The following NT5DC1 variants were observed in gnomAD, a reference collection of about 807,000 sequenced individuals.
NT5DC1 encodes 5'-nucleotidase domain containing 1, also known as 5'-nucleotidase domain-containing protein 1.
In NT5DC1, 42 loss-of-function variants were observed where a neutral mutation model predicts 59.4. That is an observed-to-expected ratio of 0.71 (90% CI 0.55 to 0.92). The LOEUF (loss-of-function observed/expected upper bound fraction) is 0.92, where lower values mean the gene tolerates loss of function less well. Among genes scored for constraint, NT5DC1 ranks in the 40% least tolerant of loss-of-function variants. The pLI is 0.00. For synonymous variants in NT5DC1, 172 were observed against 188.1 expected (o/e 0.91, Z 0.70); for missense variants, 501 against 537.1 (o/e 0.93, Z 0.66).
chr6:116,135,617 A>G (rs1173413048), intron 6 of NT5DC1, among the ~76,000 whole-genome samples: 2 of 151,566 alleles, frequency 1.3e-5, no homozygotes. Context: ...GCTATATTTA[A>G]TATTTACTCT....
intron 6 of NT5DC1, among the ~76,000 whole-genome samples, chr6:116,203,631 A>G (rs1173817125): frequency 6.6e-6 from 1 of 151,932 alleles, no homozygotes; most frequent in Admixed American, 6.6e-5. Context: ...TACCCTTGGT[A>G]GACGTGAGTT....
At chr6:116,156,477 TG>T (rs1253251597) in intron 6 of NT5DC1, among the ~76,000 whole-genome samples, 1 of 152,218 alleles carries the variant, frequency 6.6e-6, no homozygotes, top group Admixed American at 6.5e-5. Flanking sequence ...ATTACTATGC[TG>T]TGTATAGTGC....
intron 6 of NT5DC1, among the ~76,000 whole-genome samples, chr6:116,166,584 C>G (rs1780475139): frequency 6.6e-6 from 1 of 152,118 alleles, no homozygotes; most frequent in African/African-American, 2.4e-5. Context: ...CTCCATTTAC[C>G]CAGTTTCCCA....
chr6:116,216,213 G>T (rs892817858), intron 6 of NT5DC1, among the ~76,000 whole-genome samples: 17 of 152,056 alleles, frequency 1.1e-4, no homozygotes, highest in African/African-American at 4.1e-4. Flanking sequence ...TATATGTTAG[G>T]TAATAAAGAT....
chr6:116,136,704 A>T (rs1233887480), intron 6 of NT5DC1, among the ~76,000 whole-genome samples: 1 of 152,234 alleles, frequency 6.6e-6, no homozygotes, highest in African/African-American at 2.4e-5. Context: ...ATAAAAATCC[A>T]TATGCTGTTA....
intron 8 of NT5DC1, among the ~76,000 whole-genome samples, chr6:116,223,552 A>G (rs1440437796): frequency 6.6e-6 from 1 of 152,236 alleles, no homozygotes; most frequent in Non-Finnish European, 1.5e-5. Context: ...TTCATGTAGA[A>G]GAGACTGATA....
intron 6 of NT5DC1, among the ~76,000 whole-genome samples, chr6:116,204,366 A>G (rs1020088640): frequency 1.3e-5 from 2 of 152,010 alleles, no homozygotes; most frequent in African/African-American, 4.8e-5. Flanking sequence ...GAAAGATTCA[A>G]AAAGATGCAC....
rs566031605 is a variant in NT5DC1 at position 116,124,252 on chromosome 6, A to G, written c.529+6307A>G. The stretch of plus-strand genomic sequence containing the variant: ...AGCATAATATTTAAACTTTATAACA[A>G]ATATCCTTAGCTTTATTTACAGTAT... On this transcript the variant is annotated intron_variant, in intron 6 of 11. Transcript: ENST00000319550. Among the ~76,000 whole-genome samples, 3 of 152,228 alleles carry G rather than the reference A, an allele frequency of 2.0e-5. No individual in the cohort carries two copies. In the South Asian group the frequency reaches 6.2e-4, roughly 32 times the overall value.
intron 6 of NT5DC1, among the ~76,000 whole-genome samples, chr6:116,163,141 A>AAAAAATATATAT (rs761718922): frequency 4.6e-4 from 41 of 88,388 alleles, no homozygotes; most frequent in African/African-American, 2.1e-3. Flanking sequence ...AAAAAAAAAA[A>AAAAAATATATAT]ATATATATAT....
At chr6:116,220,122 C>CTTTTTTTTTTTTTT (rs60827021) in intron 6 of NT5DC1, among the ~76,000 whole-genome samples, 37 of 98,644 alleles carry the variant, frequency 3.8e-4, no homozygotes, top group African/African-American at 6.9e-4. Flanking sequence ...GCTGTTTAAC[C>CTTTTTTTTTTTTTT]TTTTTTTTTT....
At chr6:116,110,670 T>C in intron 3 of NT5DC1, 180 bp from the exon 4 acceptor site, 1 of 684,870 alleles carries the variant, frequency 1.5e-6, no homozygotes, top group Admixed American at 2.0e-5. Flanking sequence ...GGGTAAGTGC[T>C]ACAGCTGCCC....
chr6:116,189,177 C>T (rs1742125607), intron 6 of NT5DC1, among the ~76,000 whole-genome samples: 1 of 151,360 alleles, frequency 6.6e-6, no homozygotes, highest in East Asian at 1.9e-4. Flanking sequence ...TTTAGTTGAC[C>T]ACTCTTGAGA....
At chr6:116,166,844 T>G (rs1313267575) in intron 6 of NT5DC1, among the ~76,000 whole-genome samples, 1 of 152,194 alleles carries the variant, frequency 6.6e-6, no homozygotes, top group Non-Finnish European at 1.5e-5. Flanking sequence ...ACGAAAGGAC[T>G]GAAATTCTGA....
At chr6:116,231,744 G>A (rs1782024714) in intron 8 of NT5DC1, among the ~76,000 whole-genome samples, 1 of 152,094 alleles carries the variant, frequency 6.6e-6, no homozygotes, top group African/African-American at 2.4e-5. Flanking sequence ...ATCTATAGAG[G>A]ACTATTATTA....
intron 6 of NT5DC1, chr6:116,145,405 G>A: frequency 3.0e-6 from 1 of 338,368 alleles, no homozygotes; most frequent in Non-Finnish European, 6.6e-6. Flanking sequence ...TTTTCAAAAT[G>A]CAAAACTTTT....
At chr6:116,116,363 G>A (rs1430782424) in intron 5 of NT5DC1, among the ~76,000 whole-genome samples, 2 of 152,086 alleles carry the variant, frequency 1.3e-5, no homozygotes, top group Non-Finnish European at 2.9e-5. Flanking sequence ...TACTTTTGGG[G>A]CCAGGTGCAG....
chr6:116,142,962 T>C (rs961825591), intron 6 of NT5DC1, among the ~76,000 whole-genome samples: 1 of 152,208 alleles, frequency 6.6e-6, no homozygotes, highest in Non-Finnish European at 1.5e-5. Flanking sequence ...CTGTGTTTCA[T>C]GGTGGGAAAA....
At chr6:116,144,791 T>C (rs1043011419) in intron 6 of NT5DC1, among the ~76,000 whole-genome samples, 4 of 152,164 alleles carry the variant, frequency 2.6e-5, no homozygotes, top group Non-Finnish European at 5.9e-5. Context: ...TATTTGTCCC[T>C]GACAACTGTG....
At chr6:116,103,715 T>G (rs1160209300) in intron 1 of NT5DC1, among the ~76,000 whole-genome samples, 1 of 152,016 alleles carries the variant, frequency 6.6e-6, no homozygotes, top group African/African-American at 2.4e-5. Context: ...CACAGAGTTG[T>G]GCAAACACAG....
Sources: allele counts gnomAD v4.1 joint callset (sites outside exome capture counted in the v4.1 genomes callset), GRCh38; gene constraint gnomAD v4.1.1; transcripts MANE v1.5; gene names NCBI Gene and HGNC (gene_info 2026-07-23, HGNC 2026-07-21).